Variants in ASIC2 observed in about 807,000 individuals in gnomAD.
ASIC2 encodes acid-sensing ion channel 2.
A neutral mutation model predicts 57.3 loss-of-function variants in ASIC2; 25 were observed. The observed-to-expected ratio is 0.44, with a 90% CI of 0.32 to 0.61. ASIC2 has a LOEUF of 0.61. Ranked by LOEUF, ASIC2 falls within the 20% of genes least tolerant of loss-of-function variation. ASIC2 has a pLI of 0.06. For missense variants in ASIC2, 641 were observed against 738.1 expected (o/e 0.87, Z 1.52); for synonymous variants, 319 against 307.5 (o/e 1.04, Z -0.39).
intron 1 of ASIC2, among the ~76,000 whole-genome samples, chr17:33,437,672 T>C (rs1428240082): frequency 6.6e-6 from 1 of 152,104 alleles, no homozygotes; most frequent in East Asian, 1.9e-4. Context: ...GGCACACACC[T>C]GTAGTCCCAG....
chr17:33,947,767 G>C (rs886636163), intron 1 of ASIC2, among the ~76,000 whole-genome samples: 2 of 152,170 alleles, frequency 1.3e-5, no homozygotes, highest in Admixed American at 1.3e-4. Flanking sequence ...TTTATTTTCT[G>C]GTCAAAGAGG....
intron 1 of ASIC2, among the ~76,000 whole-genome samples, chr17:33,139,954 C>T (rs2092380777): frequency 6.6e-6 from 1 of 152,200 alleles, no homozygotes; most frequent in Non-Finnish European, 1.5e-5. Flanking sequence ...CATCTACCTG[C>T]CGGGGTTGTA....
Position 33,292,098 on chromosome 17 carries a change from T to C in ASIC2, c.18A>G (p.Gly6=). Residue 6 remains glycine, a synonymous_variant, in exon 1 of 10, where the codon GGA becomes GGG. Coordinates refer to ENST00000225823, the MANE Select transcript of ASIC2 (RefSeq NM_183377.2). ...TGAGCGCGGCTGCGGGCAGCCCGGC[T>C]CCGCCAATCCGGCTCATTCATTCAG... The part of the protein sequence containing the change: MSRIG[G]AGLPAAALTG... 9.6e-7 allele frequency: 1 copy of C among 1,045,822 alleles called. No individual in the cohort carries two copies. The highest frequency in any genetic ancestry group is 1.1e-6 in the Non-Finnish European group (1 of 871,854). 64.8% of individuals were successfully genotyped at this position (1,045,822 alleles called of 1,614,324 possible).
intron 1 of ASIC2, among the ~76,000 whole-genome samples, chr17:33,588,081 A>G (rs1441344582): frequency 1.3e-5 from 2 of 152,204 alleles, no homozygotes; most frequent in African/African-American, 4.8e-5. Flanking sequence ...TTTAAACTCC[A>G]CTATGCAAGG....
At chr17:33,182,078 G>T (rs542206534) in intron 1 of ASIC2, among the ~76,000 whole-genome samples, 1 of 152,304 alleles carries the variant, frequency 6.6e-6, no homozygotes, top group East Asian at 1.9e-4. Context: ...TGACAAGTAG[G>T]TTGAGAACTA....
At position 33,436,960 on chromosome 17, in the gene ASIC2, G is replaced by A. The variant is rs537937629; in HGVS notation, c.556-324893C>T. 5.1e-5 allele frequency among the ~76,000 whole-genome samples: 7 copies of A among 137,004 alleles called. No homozygotes were observed. The South Asian group carries it at 1.7e-3, about 33-fold the overall frequency. The allele number at this position is 137,004 out of a possible 152,430, so 89.9% of individuals were successfully genotyped here. A position where few individuals can be genotyped will look rare whatever the true frequency, so the allele number is the denominator to read the frequency against. ...GGCTCACTGCAAGCTCCGCCTCCCA[G>A]GTTCATGCCATTCTCCTGCCTCAGC... On this transcript the variant is annotated intron_variant, in intron 1 of 9. Coordinates refer to the ASIC2 transcript ENST00000359872.
chr17:34,081,560 C>T (rs1030189666), intron 1 of ASIC2, among the ~76,000 whole-genome samples: 5 of 152,146 alleles, frequency 3.3e-5, no homozygotes, highest in African/African-American at 1.2e-4. Context: ...GCGCTGAGAA[C>T]AGCATCTAGA....
At chr17:33,796,059 G>A (rs765248128) in intron 1 of ASIC2, among the ~76,000 whole-genome samples, 1 of 152,176 alleles carries the variant, frequency 6.6e-6, no homozygotes, top group Non-Finnish European at 1.5e-5. Flanking sequence ...TGACTGTGAG[G>A]GCATTTTCCA....
chr17:33,110,411 C>T (rs1035451486), intron 2 of ASIC2, among the ~76,000 whole-genome samples: 2 of 152,206 alleles, frequency 1.3e-5, no homozygotes, highest in African/African-American at 4.8e-5. Context: ...CCCTCTGCAT[C>T]TGGAAGGGCA....
At chr17:34,092,584 C>A (rs987969734) in intron 1 of ASIC2, among the ~76,000 whole-genome samples, 5 of 152,176 alleles carry the variant, frequency 3.3e-5, no homozygotes, top group African/African-American at 9.7e-5. Flanking sequence ...AAGAGACTCA[C>A]GTGTGATGCC....
At chr17:33,087,050 A>T (rs1000824974) in intron 3 of ASIC2, among the ~76,000 whole-genome samples, 3 of 152,128 alleles carry the variant, frequency 2.0e-5, no homozygotes, top group African/African-American at 7.2e-5. Flanking sequence ...TAAATAATTG[A>T]TTAAAATCTG....
chr17:33,346,871 T>A (rs1907969075), intron 1 of ASIC2, among the ~76,000 whole-genome samples: 1 of 152,032 alleles, frequency 6.6e-6, no homozygotes, highest in South Asian at 2.1e-4. Flanking sequence ...GGATGAGACC[T>A]GAAAGTCACC....
chr17:33,120,060 T>C (rs1416235031), intron 1 of ASIC2, among the ~76,000 whole-genome samples: 2 of 152,256 alleles, frequency 1.3e-5, no homozygotes, highest in Non-Finnish European at 2.9e-5. Context: ...TCTGAGAGGC[T>C]GCATACCTAG....
chr17:33,835,349 T>C (rs931315325), intron 1 of ASIC2, among the ~76,000 whole-genome samples: 1 of 152,248 alleles, frequency 6.6e-6, no homozygotes, highest in African/African-American at 2.4e-5. Flanking sequence ...CAGCCGTCAG[T>C]ACTTTGTACG....
intron 1 of ASIC2, among the ~76,000 whole-genome samples, chr17:33,997,334 T>G (rs1422321754): frequency 5.0e-5 from 3 of 60,178 alleles, no homozygotes; most frequent in Non-Finnish European, 1.0e-4. Flanking sequence ...TTTTTTTTTT[T>G]GTAAAGACAA....
chr17:33,422,935 G>A (rs1911096499), intron 1 of ASIC2, among the ~76,000 whole-genome samples: 1 of 152,186 alleles, frequency 6.6e-6, no homozygotes, highest in African/African-American at 2.4e-5. Context: ...GCAACCAAGA[G>A]AGTCACAGGG....
intron 1 of ASIC2, among the ~76,000 whole-genome samples, chr17:33,247,118 G>T (rs1908717939): frequency 6.6e-6 from 1 of 152,142 alleles, no homozygotes; most frequent in Non-Finnish European, 1.5e-5. Context: ...GTTTATTAAG[G>T]TTTCATTACA....
At chr17:33,058,048 A>T (rs1045689114) in intron 3 of ASIC2, among the ~76,000 whole-genome samples, 1 of 152,220 alleles carries the variant, frequency 6.6e-6, no homozygotes, top group Non-Finnish European at 1.5e-5. Context: ...ACATATTAAA[A>T]AAAAAGGTAT....
At chr17:33,782,162 T>C (rs1435879728) in intron 1 of ASIC2, among the ~76,000 whole-genome samples, 1 of 152,212 alleles carries the variant, frequency 6.6e-6, no homozygotes, top group Non-Finnish European at 1.5e-5. Context: ...TTAATTTTAA[T>C]GAAGTCCAAT....
Sources: allele counts gnomAD v4.1 joint callset (sites outside exome capture counted in the v4.1 genomes callset), GRCh38; gene constraint gnomAD v4.1.1; transcripts MANE v1.5; gene names NCBI Gene and HGNC (gene_info 2026-07-23, HGNC 2026-07-21).